PDE4B: variants seen among roughly 807,000 people sequenced by gnomAD.
PDE4B encodes the protein phosphodiesterase 4B.
PDE4B carries 20 observed loss-of-function variants against 82.2 expected under a neutral mutation model. The observed-to-expected ratio is 0.24, with a 90% CI of 0.17 to 0.35. The LOEUF (loss-of-function observed/expected upper bound fraction) is 0.35. Ranked by LOEUF, PDE4B falls within the 10% of genes least tolerant of loss-of-function variation. The pLI is 1.00. For synonymous variants in PDE4B, 320 were observed against 318.9 expected (o/e 1.00, Z -0.04); for missense variants, 655 against 907.2 (o/e 0.72, Z 3.57).
intron 7 of PDE4B, chr1:66,332,254 T>C: frequency 2.0e-6 from 3 of 1,464,564 alleles, no homozygotes. Context: ...CAGAGGAAGT[T>C]TCTTGGTAGA....
chr1:65,982,169 G>A (rs1321452571), intron 3 of PDE4B, among the ~76,000 whole-genome samples: 6 of 152,300 alleles, frequency 3.9e-5, no homozygotes, highest in African/African-American at 1.4e-4. Flanking sequence ...ACAGAAATAA[G>A]GAACATCTTC....
chr1:66,287,741 G>T (rs1656783080), intron 7 of PDE4B, among the ~76,000 whole-genome samples: 1 of 152,146 alleles, frequency 6.6e-6, no homozygotes, highest in Non-Finnish European at 1.5e-5. Context: ...GCTGAGGTGG[G>T]AGGATTTCTT....
rs527645841 is a variant in PDE4B at position 66,223,682 on chromosome 1, T to C, written c.282-23778T>C. On this transcript the variant is annotated intron_variant, in intron 3 of 16. Coordinates refer to ENST00000341517, the MANE Select transcript of PDE4B (RefSeq NM_002600.4). ...TACACTTGCAGTGTTCTTTTTTCAT[T>C]CCCCCCCAGCCCCACATTCAATGCA... is the stretch of plus-strand genomic sequence containing the variant. Among the ~76,000 whole-genome samples, 6 of 150,886 alleles carry C rather than the reference T, an allele frequency of 4.0e-5. No homozygotes were observed. The East Asian group carries it at 5.9e-4, about 15-fold the overall frequency.
At chr1:66,056,010 A>C (rs1474316047) in intron 3 of PDE4B, among the ~76,000 whole-genome samples, 1 of 152,194 alleles carries the variant, frequency 6.6e-6, no homozygotes, top group Non-Finnish European at 1.5e-5. Context: ...CTAGAACAAA[A>C]TTTATATTTT....
chr1:65,937,283 C>G (rs1648204733), intron 3 of PDE4B, among the ~76,000 whole-genome samples: 1 of 152,178 alleles, frequency 6.6e-6, no homozygotes, highest in Non-Finnish European at 1.5e-5. Context: ...GGCGATTTCC[C>G]TGCCTCTGTC....
At chr1:66,309,009 A>G (rs570559392) in intron 7 of PDE4B, among the ~76,000 whole-genome samples, 2 of 152,330 alleles carry the variant, frequency 1.3e-5, no homozygotes, top group African/African-American at 4.8e-5. Flanking sequence ...GATTCAGGAA[A>G]GAGGCTAGGA....
intron 3 of PDE4B, among the ~76,000 whole-genome samples, chr1:66,123,583 C>CT (rs530470512): frequency 0.07 from 9,512 of 135,584 alleles, 433 homozygotes; most frequent in South Asian, 0.22. Flanking sequence ...TTTTATTTGT[C>CT]TTTTTTTTTT....
intron 3 of PDE4B, among the ~76,000 whole-genome samples, chr1:66,066,596 TTA>T (rs1237855614): frequency 6.6e-6 from 1 of 151,882 alleles, no homozygotes; most frequent in Non-Finnish European, 1.5e-5. Context: ...CCAGGTGAAT[TTA>T]TATGTTCCCT....
chr1:65,827,800 G>T (rs1646036750), intron 1 of PDE4B, among the ~76,000 whole-genome samples: 1 of 152,108 alleles, frequency 6.6e-6, no homozygotes. Flanking sequence ...CCAAAAGCTG[G>T]AAGAACATCA....
At chr1:66,003,045 T>C (rs904862016) in intron 3 of PDE4B, among the ~76,000 whole-genome samples, 1 of 152,120 alleles carries the variant, frequency 6.6e-6, no homozygotes, top group African/African-American at 2.4e-5. Flanking sequence ...TCAGGGTTGG[T>C]TGGTAAAGCA....
At chr1:65,913,002 ATTGT>A (rs1225862268) in intron 1 of PDE4B, among the ~76,000 whole-genome samples, 1 of 152,180 alleles carries the variant, frequency 6.6e-6, no homozygotes, top group Non-Finnish European at 1.5e-5. Flanking sequence ...TGGGAGCCTA[ATTGT>A]TACTCATTAT....
chr1:66,163,329 A>G (rs1475942334), intron 3 of PDE4B, among the ~76,000 whole-genome samples: 2 of 152,206 alleles, frequency 1.3e-5, no homozygotes, highest in East Asian at 3.8e-4. Context: ...TCTCTTATCT[A>G]TTAAATGAAG....
At chr1:66,357,685 T>TAA (rs1187249033) in intron 9 of PDE4B, among the ~76,000 whole-genome samples, 32 of 152,020 alleles carry the variant, frequency 2.1e-4, no homozygotes, top group Non-Finnish European at 1.5e-5. Flanking sequence ...GTGGATGTGG[T>TAA]AAACCCCATC....
intron 3 of PDE4B, among the ~76,000 whole-genome samples, chr1:66,097,421 T>A (rs1343500688): frequency 6.6e-6 from 1 of 152,132 alleles, no homozygotes; most frequent in Non-Finnish European, 1.5e-5. Context: ...GTGAAATGTG[T>A]CAATCAAATC....
At chr1:66,287,949 G>T (rs1656798687) in intron 7 of PDE4B, among the ~76,000 whole-genome samples, 1 of 152,010 alleles carries the variant, frequency 6.6e-6, no homozygotes, top group Non-Finnish European at 1.5e-5. Flanking sequence ...ACTCCAGCCT[G>T]GGTGACAGAG....
chr1:66,021,753 C>G (rs1017854564), intron 3 of PDE4B, among the ~76,000 whole-genome samples: 1 of 152,150 alleles, frequency 6.6e-6, no homozygotes, highest in Admixed American at 6.5e-5. Context: ...CGTGATGCCT[C>G]CAGCTTTGTT....
At chr1:66,051,073 T>A (rs1654998574) in intron 3 of PDE4B, among the ~76,000 whole-genome samples, 1 of 152,148 alleles carries the variant, frequency 6.6e-6, no homozygotes, top group African/African-American at 2.4e-5. Flanking sequence ...AAAAGTTAAA[T>A]TTTCTTCTAA....
intron 3 of PDE4B, among the ~76,000 whole-genome samples, chr1:66,026,343 A>G (rs1459289874): frequency 6.6e-6 from 1 of 152,114 alleles, no homozygotes; most frequent in Non-Finnish European, 1.5e-5. Flanking sequence ...GTCCCTTTCT[A>G]TGTCTAGCTA....
intron 1 of PDE4B, among the ~76,000 whole-genome samples, chr1:65,839,809 A>G (rs1054601306): frequency 3.3e-5 from 5 of 152,118 alleles, no homozygotes; most frequent in Non-Finnish European, 5.9e-5. Flanking sequence ...TCTGGGTCAA[A>G]TGGTATTTCT....
Sources: gnomAD v4.1 joint callset for allele counts (sites outside exome capture counted in the v4.1 genomes callset) on GRCh38, gnomAD v4.1.1 for gene constraint, MANE v1.5 for transcripts, NCBI Gene and HGNC (gene_info 2026-07-23, HGNC 2026-07-21) for gene names.